The following AFF3 variants were observed in gnomAD, a reference collection of about 807,000 sequenced individuals.
The protein encoded by AFF3 is ALF transcription elongation factor 3.
In AFF3, 32 loss-of-function variants were observed where a neutral mutation model predicts 129.7. That is an observed-to-expected ratio of 0.25 (90% CI 0.19 to 0.33). The LOEUF is 0.33. AFF3 is among the 10% of genes least tolerant of loss of function. The pLI, the probability that AFF3 is intolerant of heterozygous loss-of-function variation, is 1.00. For missense variants in AFF3, 1,373 were observed against 1,592.0 expected (o/e 0.86, Z 2.34); for synonymous variants, 644 against 635.4 (o/e 1.01, Z -0.20).
intron 7 of AFF3, among the ~76,000 whole-genome samples, chr2:99,913,488 G>A (rs1356228606): frequency 6.6e-6 from 1 of 152,210 alleles, no homozygotes; most frequent in Non-Finnish European, 1.5e-5. Flanking sequence ...TGAAGTAGAT[G>A]TGGACAGATA....
intron 7 of AFF3, among the ~76,000 whole-genome samples, chr2:99,898,207 T>C (rs1694107864): frequency 6.6e-6 from 1 of 152,242 alleles, no homozygotes; most frequent in Admixed American, 6.5e-5. Flanking sequence ...TTTAGCTTCT[T>C]AAAGAATGGA....
chr2:99,999,090 T>C (rs963834898), intron 7 of AFF3, among the ~76,000 whole-genome samples: 1 of 152,110 alleles, frequency 6.6e-6, no homozygotes, highest in Non-Finnish European at 1.5e-5. Context: ...CTTCTGCTCA[T>C]GAAAATCAAA....
chr2:99,552,314 C>A (rs1229903268), intron 24 of AFF3, among the ~76,000 whole-genome samples: 2 of 152,098 alleles, frequency 1.3e-5, no homozygotes, highest in African/African-American at 4.8e-5. Context: ...CGCTTGAACC[C>A]GGGAGGAGGA....
intron 4 of AFF3, among the ~76,000 whole-genome samples, chr2:100,045,278 C>T (rs947755822): frequency 1.3e-5 from 2 of 152,172 alleles, no homozygotes; most frequent in Admixed American, 6.5e-5. Flanking sequence ...GCAGTTACTA[C>T]CCGCCAGCAA....
intron 4 of AFF3, among the ~76,000 whole-genome samples, chr2:100,062,878 T>C (rs1368359819): frequency 2.0e-5 from 3 of 152,092 alleles, no homozygotes; most frequent in African/African-American, 7.2e-5. Context: ...ATACTGACTA[T>C]AAAATAACTA....
At chr2:99,778,875 T>TGG (rs1224379970) in intron 8 of AFF3, among the ~76,000 whole-genome samples, 1 of 42,042 alleles carries the variant, frequency 2.4e-5, no homozygotes, top group Non-Finnish European at 5.1e-5. Context: ...TAATTTTGTG[T>TGG]GTGTGTGTGT....
At chr2:100,030,716 T>C (rs1357144842) in intron 4 of AFF3, among the ~76,000 whole-genome samples, 1 of 152,102 alleles carries the variant, frequency 6.6e-6, no homozygotes, top group African/African-American at 2.4e-5. Flanking sequence ...CACAGATGAA[T>C]CCTAAATGCA....
At chr2:99,697,478 T>C (rs972032551) in intron 11 of AFF3, among the ~76,000 whole-genome samples, 1 of 152,254 alleles carries the variant, frequency 6.6e-6, no homozygotes, top group Non-Finnish European at 1.5e-5. Context: ...GTTTCAGGAC[T>C]ACAGAGCAAA....
At chr2:100,024,907 T>C (rs1251305876) in intron 4 of AFF3, among the ~76,000 whole-genome samples, 1 of 150,994 alleles carries the variant, frequency 6.6e-6, no homozygotes, top group Non-Finnish European at 1.5e-5. Context: ...AGGTGAAGGA[T>C]AGAGTGGTGA....
At chr2:99,792,241 A>G (rs1685246237) in intron 8 of AFF3, among the ~76,000 whole-genome samples, 1 of 152,166 alleles carries the variant, frequency 6.6e-6, no homozygotes, top group South Asian at 2.1e-4. Context: ...TCTGGGACTG[A>G]GGCTAGAGGA....
At chr2:99,899,035 T>G (rs1429888455) in intron 7 of AFF3, among the ~76,000 whole-genome samples, 1 of 152,216 alleles carries the variant, frequency 6.6e-6, no homozygotes, top group African/African-American at 2.4e-5. Context: ...ATGCCGTATT[T>G]CTGCTACAGC....
Position 99,727,144 on chromosome 2 carries a change from G to GA in AFF3, c.1040-17dup, listed in dbSNP as rs1679427287. On this transcript the variant is annotated splice_polypyrimidine_tract_variant and intron_variant, in intron 10 of 24. Transcript: ENST00000672756. ...TCACCTTTCTCTTAAAAAGGAAGCA[G>GA]AAAAAAATACCGACATATGAGTCTT... The GA allele has an allele frequency of 5.6e-6, 9 of 1,605,008 alleles. No individual in the cohort carries two copies. Among genetic ancestry groups the GA allele is most frequent in the South Asian group, 1.1e-5 (1 of 89,444 alleles).
intron 4 of AFF3, among the ~76,000 whole-genome samples, chr2:100,102,428 CA>C (rs764524028): frequency 6.6e-6 from 1 of 152,148 alleles, no homozygotes; most frequent in Non-Finnish European, 1.5e-5. Context: ...AAACTCGATG[CA>C]CTGATTAAAA....
chr2:99,651,905 C>T (rs1044829915), intron 12 of AFF3, among the ~76,000 whole-genome samples: 1 of 152,144 alleles, frequency 6.6e-6, no homozygotes, highest in African/African-American at 2.4e-5. Flanking sequence ...AGTTCCACAT[C>T]TTGGGATAAA....
At chr2:99,740,831 T>C (rs1222426316) in intron 10 of AFF3, among the ~76,000 whole-genome samples, 1 of 152,222 alleles carries the variant, frequency 6.6e-6, no homozygotes, top group African/African-American at 2.4e-5. Context: ...AGATGCCATT[T>C]GTCAATTTTG....
Position 99,550,467 on chromosome 2 carries a change from C to A in AFF3, c.*1007G>T, listed in dbSNP as rs992042474. The A allele has an allele frequency of 1.7e-5, 4 of 230,902 alleles. No homozygotes were observed. The highest frequency in any genetic ancestry group is 3.4e-5 in the Non-Finnish European group (4 of 116,654). 14.3% of individuals were successfully genotyped at this position (230,902 alleles called of 1,614,324 possible). A position where few individuals can be genotyped will look rare whatever the true frequency, so the allele number is the denominator to read the frequency against. ...AGGATTCAGGCTCCTACTGAAGGGACAATCTAGGTAATGGCCTCATTTAGC... is the reference window on the plus strand; with the variant it reads ...AGGATTCAGGCTCCTACTGAAGGGAAAATCTAGGTAATGGCCTCATTTAGC... On this transcript the variant is annotated 3_prime_UTR_variant, in exon 25 of 25. Transcript: ENST00000672756.
intron 4 of AFF3, among the ~76,000 whole-genome samples, chr2:100,054,779 T>C (rs1686628544): frequency 6.6e-6 from 1 of 152,192 alleles, no homozygotes; most frequent in South Asian, 2.1e-4. Context: ...CCCTACCAAA[T>C]GGCCATCTGA....
chr2:99,853,343 T>C (rs1420321510), intron 7 of AFF3, among the ~76,000 whole-genome samples: 1 of 152,214 alleles, frequency 6.6e-6, no homozygotes, highest in Non-Finnish European at 1.5e-5. Context: ...TGTTTACAGT[T>C]ACTTGAATTA....
intron 11 of AFF3, among the ~76,000 whole-genome samples, chr2:99,690,113 C>A (rs1347424590): frequency 6.7e-6 from 1 of 148,584 alleles, no homozygotes; most frequent in Non-Finnish European, 1.5e-5. Flanking sequence ...CCCCCACCCC[C>A]AAAAAAACCC....
Sources: allele counts gnomAD v4.1 joint callset (sites outside exome capture counted in the v4.1 genomes callset), GRCh38; gene constraint gnomAD v4.1.1; transcripts MANE v1.5; gene names NCBI Gene and HGNC (gene_info 2026-07-23, HGNC 2026-07-21).